Variants in ACOT7 observed in about 807,000 individuals in gnomAD.
The protein encoded by ACOT7 is acyl-CoA thioesterase 7.
ACOT7 carries 12 observed loss-of-function variants against 40.2 expected under a neutral mutation model. The observed-to-expected ratio is 0.30, with a 90% CI of 0.19 to 0.48. ACOT7 has a LOEUF of 0.48. Ranked by LOEUF, ACOT7 falls within the 20% of genes least tolerant of loss-of-function variation. ACOT7 has a pLI of 0.99. For missense variants in ACOT7, 395 were observed against 530.8 expected (o/e 0.74, Z 2.51); for synonymous variants, 228 against 219.5 (o/e 1.04, Z -0.34).
In ACOT7 at chr1:6,264,619, C is replaced by T. The variant is rs1436067174; in HGVS notation, c.1091G>A (p.Gly364Asp). ...RYLQMKAKRQ[G>D]HAEPQP Reference sequence around the variant, plus strand: ...AGTCTAGGGCTGAGGCTCCGCGTGGCCCTGTCGCTTCGCCTTCATCTGCAG... The same window carrying T: ...AGTCTAGGGCTGAGGCTCCGCGTGGTCCTGTCGCTTCGCCTTCATCTGCAG... The change falls in exon 9 of 9, where the codon GGC becomes GAC. Residue 364 changes from glycine (G) to aspartate (D), a missense_variant. Coordinates refer to ENST00000361521, the MANE Select transcript of ACOT7 (RefSeq NM_007274.4). 2.5e-6 allele frequency: 4 copies of T among 1,612,992 alleles called. No homozygotes were observed. Among genetic ancestry groups the T allele is most frequent in the Admixed American group, 1.7e-5 (1 of 60,002 alleles).
At position 6,337,027 on chromosome 1, in the gene ACOT7, G is replaced by C. The variant is rs534252967; in HGVS notation, c.418+2406C>G. The stretch of plus-strand genomic sequence containing the variant: ...GCTACAGGGAAAAGGCTGAAGCTGG[G>C]AAGAAGAACCTGGGGCACCGCCCAG... On this transcript the variant is annotated intron_variant, in intron 3 of 8. Transcript: ENST00000361521. 2.0e-5 allele frequency among the ~76,000 whole-genome samples: 3 copies of C among 152,306 alleles called. No homozygotes were observed. The South Asian group carries it at 6.2e-4, about 32-fold the overall frequency.
chr1:6,358,953 G>A lies in ACOT7; in HGVS notation c.144-9087C>T. ...CTGTCCCAGCTCCCTGCCACACCGGGCTTGGTGGGGAGCACCCCCCACCCC... is the reference window on the plus strand; with the variant it reads ...CTGTCCCAGCTCCCTGCCACACCGGACTTGGTGGGGAGCACCCCCCACCCC... On this transcript the variant is annotated intron_variant, in intron 1 of 8. Transcript: ENST00000361521. The surrounding 1 kb of genome is among the most constrained non-coding windows in gnomAD (Gnocchi z 4.1). 3 of 1,504,926 alleles carry A rather than the reference G, an allele frequency of 2.0e-6. No homozygotes were observed. Among genetic ancestry groups the A allele is most frequent in the Non-Finnish European group, 2.7e-6 (3 of 1,118,972 alleles). The allele number at this position is 1,504,926 out of a possible 1,614,324, so 93.2% of individuals were successfully genotyped here.
chr1:6,300,384 G>A (rs1343118096), intron 6 of ACOT7, among the ~76,000 whole-genome samples: 2 of 151,652 alleles, frequency 1.3e-5, no homozygotes, highest in East Asian at 3.9e-4. Flanking sequence ...GAACTCGGCT[G>A]CAAAGTCAGT....
At chr1:6,392,199 A>C (rs1409573558) in intron 1 of ACOT7, among the ~76,000 whole-genome samples, 1 of 152,138 alleles carries the variant, frequency 6.6e-6, no homozygotes, top group African/African-American at 2.4e-5. Context: ...ACTTGCTTCT[A>C]TTGGACTTGG....
chr1:6,314,353 T>C (rs938203526), intron 6 of ACOT7, among the ~76,000 whole-genome samples: 3 of 152,028 alleles, frequency 2.0e-5, no homozygotes, highest in Non-Finnish European at 4.4e-5. Context: ...CCACAAGCCC[T>C]CTGGATTGTT....
At position 6,278,053 on chromosome 1, in the gene ACOT7, C is replaced by A. The variant is rs1029100231; in HGVS notation, c.1014+3049G>T. ...AGGCGCCTGCTCCTGGATATGTGAG[C>A]CTGACAGTCCACGCAGCGTCTGCAG... On this transcript the variant is annotated intron_variant, in intron 8 of 8. Transcript: ENST00000361521. This position sits in a 1 kb window ranked among gnomAD's most constrained non-coding sequence, Gnocchi z 4.1. Among the ~76,000 whole-genome samples the A allele has an allele frequency of 2.6e-5, 4 of 151,950 alleles. No homozygotes were observed. The East Asian group carries it at 5.8e-4, about 22-fold the overall frequency.
chr1:6,287,754 G>A (rs1330874906), intron 7 of ACOT7, among the ~76,000 whole-genome samples: 1 of 152,296 alleles, frequency 6.6e-6, no homozygotes, highest in Admixed American at 6.5e-5. Context: ...AAAAATAGCT[G>A]TTAGCAAGAC....
At chr1:6,329,331 A>C (rs1640892345) in intron 4 of ACOT7, among the ~76,000 whole-genome samples, 1 of 152,174 alleles carries the variant, frequency 6.6e-6, no homozygotes, top group Admixed American at 6.5e-5. Flanking sequence ...GAGTGTTTTA[A>C]GTTGCAGTGG....
intron 2 of ACOT7, among the ~76,000 whole-genome samples, chr1:6,348,280 G>C (rs148701336): frequency 6.6e-6 from 1 of 152,114 alleles, no homozygotes; most frequent in Non-Finnish European, 1.5e-5. Context: ...CCAACCATCC[G>C]CACTTACTGT....
rs1232727154 is a variant in ACOT7 at position 6,311,756 on chromosome 1, C to A, written c.712+6736G>T. On this transcript the variant is annotated intron_variant, in intron 6 of 8. Coordinates refer to ENST00000361521, the MANE Select transcript of ACOT7 (RefSeq NM_007274.4). The surrounding 1 kb of genome is among the most constrained non-coding windows in gnomAD (Gnocchi z 5.2). ...GAAGGGAAACACACTCATGGACACA[C>A]GAGTCCAGGAGCGCCCCTTTCTCAC... Among the ~76,000 whole-genome samples the A allele has an allele frequency of 6.6e-6, 1 of 152,194 alleles. No individual in the cohort carries two copies. Among genetic ancestry groups the A allele is most frequent in the Non-Finnish European group, 1.5e-5 (1 of 68,028 alleles).
Position 6,327,296 on chromosome 1 carries a change from T to C in ACOT7, c.625+3A>G. The C allele has an allele frequency of 6.2e-7, 1 of 1,614,142 alleles. No homozygotes were observed. Among genetic ancestry groups the C allele is most frequent in the Non-Finnish European group, 8.5e-7 (1 of 1,179,998 alleles). ...ACCTGCTGCTGGTGTCCGCGGCTCT[T>C]ACCTGGGTTGAGGACTGGCTGGACG... On this transcript the variant is annotated splice_donor_region_variant and intron_variant, in intron 5 of 8. Coordinates refer to ENST00000361521, the MANE Select transcript of ACOT7 (RefSeq NM_007274.4).
At position 6,299,677 on chromosome 1, in the gene ACOT7, T is replaced by C. The variant is rs1639913529; in HGVS notation, c.713-4697A>G. ...GAGAGAGAGCGCAAGTGTGTGTGTG[T>C]GTGTGTGTGTGTGTAGGGCACGTGT... On this transcript the variant is annotated intron_variant, in intron 6 of 8. Coordinates refer to ENST00000361521, the MANE Select transcript of ACOT7 (RefSeq NM_007274.4). The surrounding 1 kb of genome is among the most constrained non-coding windows in gnomAD (Gnocchi z 4.1). 1.3e-5 allele frequency among the ~76,000 whole-genome samples: 2 copies of C among 152,080 alleles called. No individual in the cohort carries two copies. The highest frequency in any genetic ancestry group is 2.9e-5 in the Non-Finnish European group (2 of 68,016).
At chr1:6,362,403 C>T (rs1005858825) in intron 1 of ACOT7, among the ~76,000 whole-genome samples, 1 of 151,582 alleles carries the variant, frequency 6.6e-6, no homozygotes, top group Non-Finnish European at 1.5e-5. Flanking sequence ...TGCACTCCAG[C>T]CTGTGTGACA....
chr1:6,357,926 G>T (rs1209513233), intron 1 of ACOT7, among the ~76,000 whole-genome samples: 2 of 151,484 alleles, frequency 1.3e-5, no homozygotes, highest in Non-Finnish European at 2.9e-5. Flanking sequence ...GAATGCAGTG[G>T]CGTGATCTTG....
intron 6 of ACOT7, among the ~76,000 whole-genome samples, chr1:6,305,517 C>T (rs1310127007): frequency 6.9e-6 from 1 of 144,098 alleles, no homozygotes; most frequent in African/African-American, 2.6e-5. Flanking sequence ...TCAGACGGGG[C>T]GGTTGCCAGG....
chr1:6,384,754 A>G (rs999761529), intron 1 of ACOT7, among the ~76,000 whole-genome samples: 1 of 151,734 alleles, frequency 6.6e-6, no homozygotes. Flanking sequence ...TTAGCATACT[A>G]GACACTCTTA....
At chr1:6,370,871 T>G (rs1419646212) in intron 1 of ACOT7, among the ~76,000 whole-genome samples, 1 of 151,492 alleles carries the variant, frequency 6.6e-6, no homozygotes, top group Non-Finnish European at 1.5e-5. Context: ...AGTGCAGTGG[T>G]GCGATCTCGG....
chr1:6,264,506 G>T lies in ACOT7; in HGVS notation c.*91C>A. On this transcript the variant is annotated 3_prime_UTR_variant, in exon 9 of 9. Coordinates refer to ENST00000361521, the MANE Select transcript of ACOT7 (RefSeq NM_007274.4). ...ACAACACCAGCTCTCAATGTGAATTGGGTTTTTGGCCAAGGGGGGAACTTC... is the reference window on the plus strand; with the variant it reads ...ACAACACCAGCTCTCAATGTGAATTTGGTTTTTGGCCAAGGGGGGAACTTC... 1.6e-6 allele frequency: 2 copies of T among 1,217,412 alleles called. No individual in the cohort carries two copies. The highest frequency in any genetic ancestry group is 1.1e-6 in the Non-Finnish European group (1 of 872,008). The allele number at this position is 1,217,412 out of a possible 1,614,324, so 75.4% of individuals were successfully genotyped here. A position where few individuals can be genotyped will look rare whatever the true frequency, so the allele number is the denominator to read the frequency against.
At chr1:6,366,999 C>G (rs1642026445) in intron 1 of ACOT7, among the ~76,000 whole-genome samples, 1 of 151,832 alleles carries the variant, frequency 6.6e-6, no homozygotes, top group Admixed American at 6.6e-5. Flanking sequence ...GAGATGGAGA[C>G]CATGATGGCT....
Sources: allele counts gnomAD v4.1 joint callset (sites outside exome capture counted in the v4.1 genomes callset), GRCh38; gene constraint gnomAD v4.1.1; non-coding constraint Gnocchi (gnomAD v3.1); transcripts MANE v1.5; gene names NCBI Gene and HGNC (gene_info 2026-07-23, HGNC 2026-07-21).